The following SP4 variants were observed in gnomAD, a reference collection of about 807,000 sequenced individuals.
The protein encoded by SP4 is Sp4 transcription factor.
SP4 carries 19 observed loss-of-function variants against 72.8 expected under a neutral mutation model. That is an observed-to-expected ratio of 0.26 (90% CI 0.18 to 0.38). The LOEUF is 0.38. SP4 is among the 10% of genes least tolerant of loss of function. The pLI is 1.00. For missense variants in SP4, 1,008 were observed against 926.3 expected (o/e 1.09, Z -1.14); for synonymous variants, 395 against 333.1 (o/e 1.19, Z -2.02).
intron 5 of SP4, among the ~76,000 whole-genome samples, chr7:21,499,950 A>G (rs531955293): frequency 6.6e-6 from 1 of 152,332 alleles, no homozygotes; most frequent in Non-Finnish European, 1.5e-5. Flanking sequence ...TATTCCACTC[A>G]TCCATTCCAA....
At chr7:21,460,810 A>C (rs1048548438) in intron 3 of SP4, among the ~76,000 whole-genome samples, 1 of 152,010 alleles carries the variant, frequency 6.6e-6, no homozygotes, top group African/African-American at 2.4e-5. Flanking sequence ...TAGACACAGA[A>C]TGCTGATTGG....
chr7:21,483,061 T>A (rs1784729464), intron 5 of SP4, among the ~76,000 whole-genome samples: 1 of 152,122 alleles, frequency 6.6e-6, no homozygotes, highest in South Asian at 2.1e-4. Flanking sequence ...AGTGGCTATT[T>A]AACTAGCAGT....
At chr7:21,437,700 C>A (rs1783094341) in intron 3 of SP4, among the ~76,000 whole-genome samples, 1 of 152,110 alleles carries the variant, frequency 6.6e-6, no homozygotes, top group African/African-American at 2.4e-5. Context: ...TACATACCTA[C>A]AAGGTAAAAA....
intron 3 of SP4, among the ~76,000 whole-genome samples, chr7:21,441,769 A>G (rs1783251731): frequency 6.6e-6 from 1 of 152,168 alleles, no homozygotes; most frequent in African/African-American, 2.4e-5. Context: ...TCTAGGACCT[A>G]CACTGGTGAC....
At chr7:21,450,579 C>T (rs1055502353) in intron 3 of SP4, among the ~76,000 whole-genome samples, 1 of 151,932 alleles carries the variant, frequency 6.6e-6, no homozygotes, top group Non-Finnish European at 1.5e-5. Context: ...TTCTCCATTT[C>T]CTCAGAAGAT....
At chr7:21,460,034 G>A (rs1783904646) in intron 3 of SP4, among the ~76,000 whole-genome samples, 1 of 152,202 alleles carries the variant, frequency 6.6e-6, no homozygotes. Flanking sequence ...AATCTTCTGA[G>A]AGCCAGGGCA....
In SP4 at chr7:21,477,081, C is replaced by G. The variant is rs755070080; in HGVS notation, c.1681C>G (p.Gln561Glu). The G allele has an allele frequency of 6.2e-7, 1 of 1,609,874 alleles. No homozygotes were observed. The highest frequency in any genetic ancestry group is 8.5e-7 in the Non-Finnish European group (1 of 1,176,744). Residue 561 changes from glutamine to glutamate, a missense_variant and splice_region_variant, in exon 4 of 6, where the codon CAG becomes GAG. Around this residue, in one of 3 missense-constraint regions of SP4, gnomAD observed 893 missense variants for 743.3 expected, o/e 1.20. Coordinates refer to ENST00000222584, the MANE Select transcript of SP4 (RefSeq NM_003112.5). ...TTCTTTTTTTTCTTCCTTTTTAGGT[C>G]AGCAGCAAGGACAAGATGGAGTAAA... Reference protein sequence around the residue: ...VPVTITSVAGQQQGQDGVKVQ... With the variant: ...VPVTITSVAGEQQGQDGVKVQ...
chr7:21,437,513 C>G (rs938292644), intron 3 of SP4, among the ~76,000 whole-genome samples: 3 of 151,370 alleles, frequency 2.0e-5, no homozygotes, highest in African/African-American at 7.3e-5. Flanking sequence ...ATTTTTTTTT[C>G]AAATACCAGG....
intron 4 of SP4, among the ~76,000 whole-genome samples, chr7:21,478,156 A>G (rs1784568662): frequency 6.6e-6 from 1 of 152,176 alleles, no homozygotes; most frequent in South Asian, 2.1e-4. Context: ...TTTTAGCATA[A>G]TGTTTTCAAG....
chr7:21,430,756 C>T lies in SP4; in HGVS notation c.1591C>T (p.Pro531Ser). 2.5e-6 allele frequency: 4 copies of T among 1,614,224 alleles called. No homozygotes were observed. The highest frequency in any genetic ancestry group is 2.2e-5 in the East Asian group (1 of 44,888). The change falls in exon 3 of 6, where the codon CCT (proline) becomes TCT (serine). Residue 531 changes from proline (P) to serine (S), a missense_variant. By Grantham distance (74) the Pro-to-Ser change is moderately conservative. Coordinates refer to ENST00000222584, the MANE Select transcript of SP4 (RefSeq NM_003112.5). ...GAATACTGCCCAGCTTGCATCAGTG[C>T]CTAACCTTCAGACAGTGAGCGTTGC... ...TLNTAQLASVPNLQTVSVANL... is the reference protein window; with the variant it reads ...TLNTAQLASVSNLQTVSVANL...
At chr7:21,481,383 C>T (rs1428086204) in intron 4 of SP4, among the ~76,000 whole-genome samples, 4 of 152,202 alleles carry the variant, frequency 2.6e-5, no homozygotes, top group Non-Finnish European at 5.9e-5. Context: ...ATACCACAGA[C>T]TCTTACTGTT....
intron 5 of SP4, among the ~76,000 whole-genome samples, chr7:21,503,502 T>A (rs1781919615): frequency 6.6e-6 from 1 of 152,212 alleles, no homozygotes; most frequent in Admixed American, 6.5e-5. Context: ...GGTGAGATAA[T>A]CCCATTTAAT....
chr7:21,429,148 A>G (rs1782738589), intron 2 of SP4, 141 bp from the exon 3 acceptor site: 2 of 597,390 alleles, frequency 3.3e-6, no homozygotes, highest in Non-Finnish European at 5.9e-6. Context: ...TTTTGTTCGT[A>G]TTTCTTTTTG....
chr7:21,470,726 C>G (rs1453092754), intron 3 of SP4, among the ~76,000 whole-genome samples: 1 of 148,286 alleles, frequency 6.7e-6, no homozygotes, highest in African/African-American at 2.5e-5. Flanking sequence ...CCCTCCATTA[C>G]CTTGGCCCAG....
intron 3 of SP4, among the ~76,000 whole-genome samples, chr7:21,434,749 C>G (rs1367928909): frequency 1.3e-5 from 2 of 152,080 alleles, no homozygotes; most frequent in Non-Finnish European, 1.5e-5. Context: ...TTTTTCCACC[C>G]TCACCCTGCC....
At chr7:21,470,489 C>G (rs1296003538) in intron 3 of SP4, among the ~76,000 whole-genome samples, 1 of 152,158 alleles carries the variant, frequency 6.6e-6, no homozygotes, top group Non-Finnish European at 1.5e-5. Flanking sequence ...CCTCACAATC[C>G]AGAGAACTAG....
At chr7:21,506,545 ATG>A (rs1214424750) in intron 5 of SP4, among the ~76,000 whole-genome samples, 1 of 151,986 alleles carries the variant, frequency 6.6e-6, no homozygotes, top group Non-Finnish European at 1.5e-5. Context: ...GGGGATCTTG[ATG>A]TAAGTCTTTT....
Position 21,428,685 on chromosome 7 carries a change from AAGG to A in SP4, c.32_34del (p.Glu11del), listed in dbSNP as rs758623776. On this transcript the variant is annotated inframe_deletion, in exon 2 of 6. Coordinates refer to ENST00000222584, the MANE Select transcript of SP4 (RefSeq NM_003112.5). ...GGGGGGGTTTGTTGCAGATCAGAAG[AAGG>A]AGGAGGAGGAGGAGGCGGCAGCGGC... The A allele has an allele frequency of 1.3e-4, 208 of 1,542,872 alleles. No homozygotes were observed. The highest frequency in any genetic ancestry group is 5.1e-4 in the Middle Eastern group (3 of 5,938).
chr7:21,435,581 G>A (rs1197930000), intron 3 of SP4, among the ~76,000 whole-genome samples: 2 of 152,034 alleles, frequency 1.3e-5, no homozygotes, highest in Non-Finnish European at 2.9e-5. Context: ...TCCCTAATGG[G>A]CATCTGTATA....
Sources: allele counts gnomAD v4.1 joint callset (sites outside exome capture counted in the v4.1 genomes callset), GRCh38; gene constraint gnomAD v4.1.1; regional missense constraint gnomAD v4.1.1; transcripts MANE v1.5; gene names NCBI Gene and HGNC (gene_info 2026-07-23, HGNC 2026-07-21).